KIF16B: variants seen among roughly 807,000 people sequenced by gnomAD.
KIF16B encodes the protein kinesin family member 16B, also known as kinesin-like protein KIF16B.
KIF16B carries 98 observed loss-of-function variants against 156.3 expected under a neutral mutation model. The ratio of observed to expected loss-of-function variants is 0.63; its 90% CI spans 0.53 to 0.74. The LOEUF is 0.74. Among genes scored for constraint, KIF16B ranks in the 30% least tolerant of loss-of-function variants. The probability of loss-of-function intolerance (pLI) is 0.00; values close to 1 mark genes in which losing one functional copy is unlikely to be tolerated. For missense variants in KIF16B, 1,421 were observed against 1,606.5 expected, an observed-to-expected ratio of 0.88 and a Z score of 1.97; for synonymous variants, 564 against 583.7, an observed-to-expected ratio of 0.97 and a Z score of 0.49.
intron 15 of KIF16B, among the ~76,000 whole-genome samples, chr20:16,421,776 A>G (rs2066232269): frequency 6.6e-6 from 1 of 152,204 alleles, no homozygotes; most frequent in Non-Finnish European, 1.5e-5. Context: ...ACCTTCAAAC[A>G]TAGTATTTTT....
intron 19 of KIF16B, 135 bp from the exon 20 acceptor site, chr20:16,374,544 G>C: frequency 2.0e-5 from 16 of 786,402 alleles, no homozygotes; most frequent in Non-Finnish European, 2.9e-5. Flanking sequence ...CCTTCTAGTA[G>C]AAAAGGTGCC....
At chr20:16,301,199 T>C (rs1568830199) in intron 25 of KIF16B, among the ~76,000 whole-genome samples, 1 of 152,232 alleles carries the variant, frequency 6.6e-6, no homozygotes, top group Non-Finnish European at 1.5e-5. Flanking sequence ...TAACATTCTA[T>C]TGTTTGGATG....
intron 1 of KIF16B, among the ~76,000 whole-genome samples, chr20:16,565,012 C>T (rs1159201106): frequency 6.6e-6 from 1 of 151,066 alleles, no homozygotes; most frequent in East Asian, 1.9e-4. Context: ...CTTGATCCTC[C>T]ACTCCTACCT....
chr20:16,412,587 TG>T lies in KIF16B; in HGVS notation c.1613-6132del, dbSNP rs201901198. Among the ~76,000 whole-genome samples, 151 of 152,240 alleles carry T rather than the reference TG, an allele frequency of 9.9e-4. No individual in the cohort carries two copies. In the East Asian group the frequency reaches 0.022, roughly 22 times the overall value. On this transcript the variant is annotated intron_variant, in intron 15 of 25. Transcript: ENST00000354981. ...GGGAAGCAAACATGTCCTCTTTACA[TG>T]GCAGCAAGAAGTGCCGCATAAAAAT... is the stretch of plus-strand genomic sequence containing the variant.
intron 12 of KIF16B, among the ~76,000 whole-genome samples, chr20:16,473,823 AAT>A (rs1257886488): frequency 6.6e-6 from 1 of 152,246 alleles, no homozygotes; most frequent in East Asian, 1.9e-4. Flanking sequence ...CTTCAAAAGA[AAT>A]ACTGATGGCT....
intron 8 of KIF16B, 53 bp from the exon 9 acceptor site, chr20:16,505,906 T>TC (rs1368252652): frequency 1.2e-6 from 2 of 1,606,838 alleles, no homozygotes. Flanking sequence ...AAATTTTTTT[T>TC]CCTCTACTTT....
At chr20:16,473,675 C>T (rs1214619215) in intron 12 of KIF16B, among the ~76,000 whole-genome samples, 1 of 151,970 alleles carries the variant, frequency 6.6e-6, no homozygotes, top group Non-Finnish European at 1.5e-5. Context: ...GTGCAGACCT[C>T]GGATTCTCCC....
intron 12 of KIF16B, among the ~76,000 whole-genome samples, chr20:16,476,375 TGAAGA>T (rs1432680120): frequency 6.6e-6 from 1 of 152,234 alleles, no homozygotes; most frequent in Non-Finnish European, 1.5e-5. Context: ...TTTGTTAAAG[TGAAGA>T]AATCATTTTG....
intron 12 of KIF16B, among the ~76,000 whole-genome samples, chr20:16,465,670 T>C (rs2067470803): frequency 6.6e-6 from 1 of 152,230 alleles, no homozygotes. Context: ...TGTTTACATA[T>C]ATGCTTAACA....
intron 25 of KIF16B, among the ~76,000 whole-genome samples, chr20:16,275,504 C>T (rs2063047633): frequency 6.6e-6 from 1 of 152,204 alleles, no homozygotes; most frequent in African/African-American, 2.4e-5. Context: ...CCTGGAATCA[C>T]ATCTTCTTCT....
intron 25 of KIF16B, among the ~76,000 whole-genome samples, chr20:16,307,806 AAT>A (rs980186333): frequency 6.6e-6 from 1 of 152,190 alleles, no homozygotes; most frequent in Non-Finnish European, 1.5e-5. Context: ...CGAGAAATAG[AAT>A]ATTCTAGAAC....
intron 10 of KIF16B, 83 bp from the exon 11 acceptor site, chr20:16,497,761 A>T: frequency 2.9e-6 from 3 of 1,031,398 alleles, no homozygotes; most frequent in Non-Finnish European, 4.4e-6. Context: ...AAATTATCCA[A>T]AATTTCACAG....
intron 12 of KIF16B, among the ~76,000 whole-genome samples, chr20:16,467,186 G>C (rs1433854708): frequency 6.6e-6 from 1 of 152,170 alleles, no homozygotes; most frequent in East Asian, 1.9e-4. Context: ...TCCCACACTA[G>C]GGTGATGGCC....
Position 16,515,670 on chromosome 20 carries a change from A to G in KIF16B, c.232-6T>C. 6.7e-7 allele frequency: 1 copy of G among 1,498,076 alleles called. No individual in the cohort carries two copies. The allele number at this position is 1,498,076 out of a possible 1,614,324, so 92.8% of individuals were successfully genotyped here. ...GTGCCGAGGGTTTTGAAAACCTGAA[A>G]GCCAAAAAGAACACACAAAAGATAC... On this transcript the variant is annotated splice_polypyrimidine_tract_variant and splice_region_variant and intron_variant, in intron 3 of 25. Transcript: ENST00000354981.
chr20:16,459,785 G>A (rs1392733613), intron 12 of KIF16B, among the ~76,000 whole-genome samples: 1 of 152,182 alleles, frequency 6.6e-6, no homozygotes, highest in African/African-American at 2.4e-5. Context: ...CTTAAAAGTT[G>A]TTATGCACCA....
At chr20:16,524,428 C>T (rs1471861008) in intron 3 of KIF16B, among the ~76,000 whole-genome samples, 3 of 152,138 alleles carry the variant, frequency 2.0e-5, no homozygotes, top group Non-Finnish European at 2.9e-5. Flanking sequence ...GAAAAAAAAG[C>T]TCATCATCAC....
chr20:16,381,492 T>TA (rs2065093672), intron 18 of KIF16B, among the ~76,000 whole-genome samples: 1 of 138,632 alleles, frequency 7.2e-6, no homozygotes, highest in African/African-American at 2.7e-5. Flanking sequence ...GATGAACGTT[T>TA]AAAAAAATTT....
chr20:16,426,543 G>A (rs1318724860), intron 15 of KIF16B, among the ~76,000 whole-genome samples: 1 of 152,178 alleles, frequency 6.6e-6, no homozygotes, highest in East Asian at 1.9e-4. Context: ...AAATGTATCA[G>A]TGTTAGTGTC....
Position 16,355,571 on chromosome 20 carries a change from A to G in KIF16B, c.3621+759T>C, listed in dbSNP as rs138132230. Among the ~76,000 whole-genome samples, 5 of 152,300 alleles carry G rather than the reference A, an allele frequency of 3.3e-5. No individual in the cohort carries two copies. In the East Asian group the frequency reaches 9.7e-4, roughly 29 times the overall value. On this transcript the variant is annotated intron_variant, in intron 23 of 25. Coordinates refer to ENST00000354981, the MANE Select transcript of KIF16B (RefSeq NM_024704.5). ...GATCCTAGTGGACTTCATTACATCA[A>G]TACCCTTGCTGATCCTTGAAGAAAA...
Sources: gnomAD v4.1 joint callset for allele counts (sites outside exome capture counted in the v4.1 genomes callset) on GRCh38, gnomAD v4.1.1 for gene constraint, MANE v1.5 for transcripts, NCBI Gene and HGNC (gene_info 2026-07-23, HGNC 2026-07-21) for gene names.